Variants in FGD4 observed in about 807,000 individuals in gnomAD.
FGD4 encodes the protein FYVE, RhoGEF and PH domain-containing protein 4.
In FGD4, 42 loss-of-function variants were observed where a neutral mutation model predicts 102.0. The observed-to-expected ratio is 0.41, with a 90% CI of 0.32 to 0.53. The LOEUF (loss-of-function observed/expected upper bound fraction) is 0.53. FGD4 is among the 20% of genes least tolerant of loss of function. The pLI is 0.21. For synonymous variants in FGD4, 380 were observed against 375.7 expected (o/e 1.01, Z -0.13); for missense variants, 902 against 1,078.2 (o/e 0.84, Z 2.29).
Position 32,550,071 on chromosome 12 carries a change from T to G in FGD4, c.167-14066T>G, listed in dbSNP as rs556424691. ...GGGGTTAAGGCAGGCATTCCAGATA[T>G]TTATAGAATTGTTCATGGTTCTTTT... On this transcript the variant is annotated intron_variant, in intron 1 of 16. Transcript: ENST00000534526. 1.3e-3 allele frequency among the ~76,000 whole-genome samples: 205 copies of G among 152,310 alleles called. No homozygotes were observed. The Middle Eastern group carries it at 0.017, about 13-fold the overall frequency.
rs1946653875 is a variant in FGD4 at position 32,581,974 on chromosome 12, A to G, written c.518A>G (p.Tyr173Cys). The change falls in exon 4 of 17, where the codon TAT becomes TGT. Residue 173 changes from tyrosine (Y) to cysteine (C), a missense_variant. Tyr to Cys is a radical substitution (Grantham distance 194). This residue lies in a region of FGD4 where 443 missense variants were observed against 459.2 expected (regional missense o/e 0.96). Transcript: ENST00000534526. ...TTATCTTTTAGCTCATTATCAAATTATAGTGATTTGAAGAAAGAGTCTGCT... is the reference window on the plus strand; with the variant it reads ...TTATCTTTTAGCTCATTATCAAATTGTAGTGATTTGAAGAAAGAGTCTGCT... Reference protein sequence around the residue: ...RFEGGSSLSNYSDLKKESAVN... With the variant: ...RFEGGSSLSNCSDLKKESAVN... 2 of 1,614,142 alleles carry G rather than the reference A, an allele frequency of 1.2e-6. No individual in the cohort carries two copies. The highest frequency in any genetic ancestry group is 1.3e-5 in the African/African-American group (1 of 75,038).
intron 1 of FGD4, among the ~76,000 whole-genome samples, chr12:32,469,837 T>G (rs906518429): frequency 5.3e-5 from 8 of 151,828 alleles, no homozygotes; most frequent in African/African-American, 1.9e-4. Flanking sequence ...TTTTGTATTT[T>G]TAGTAGATAT....
At chr12:32,437,990 C>G (rs1445256247) in intron 1 of FGD4, among the ~76,000 whole-genome samples, 1 of 152,142 alleles carries the variant, frequency 6.6e-6, no homozygotes, top group Non-Finnish European at 1.5e-5. Context: ...CTCTCGGGTT[C>G]AAGCGATTCT....
chr12:32,442,842 G>A (rs1197416681), intron 1 of FGD4, among the ~76,000 whole-genome samples: 1 of 152,178 alleles, frequency 6.6e-6, no homozygotes, highest in Non-Finnish European at 1.5e-5. Context: ...ACAGGCATGA[G>A]CCACTGTGTC....
At chr12:32,634,919 C>T (rs1950707397) in intron 15 of FGD4, among the ~76,000 whole-genome samples, 2 of 151,946 alleles carry the variant, frequency 1.3e-5, no homozygotes, top group Admixed American at 1.3e-4. Context: ...ACCCGGGAGG[C>T]GGAGATTGCA....
At chr12:32,475,222 C>T (rs1943554874) in intron 1 of FGD4, among the ~76,000 whole-genome samples, 1 of 152,046 alleles carries the variant, frequency 6.6e-6, no homozygotes, top group Admixed American at 6.6e-5. Flanking sequence ...GTCTTCCTGT[C>T]CGAGTAGGGT....
intron 10 of FGD4, among the ~76,000 whole-genome samples, chr12:32,614,542 A>G (rs969208934): frequency 4.6e-5 from 7 of 152,240 alleles, no homozygotes; most frequent in Non-Finnish European, 8.8e-5. Flanking sequence ...AGATTTTAGC[A>G]GAAAAACACC....
chr12:32,442,381 A>G (rs117965363), intron 1 of FGD4, among the ~76,000 whole-genome samples: 3 of 151,988 alleles, frequency 2.0e-5, no homozygotes, highest in Non-Finnish European at 4.4e-5. Context: ...TCTTCAGTGC[A>G]TGTTTCACTG....
At chr12:32,538,439 A>C (rs1942498361) in intron 1 of FGD4, among the ~76,000 whole-genome samples, 1 of 152,172 alleles carries the variant, frequency 6.6e-6, no homozygotes, top group Non-Finnish European at 1.5e-5. Context: ...TCTTCCCTTC[A>C]GTTCTCTTTT....
intron 1 of FGD4, among the ~76,000 whole-genome samples, chr12:32,504,264 A>G (rs1295444619): frequency 1.3e-5 from 2 of 152,174 alleles, no homozygotes. Flanking sequence ...AACCCTTCAC[A>G]GAAATAGGTG....
chr12:32,553,064 G>GATTA (rs1943830892), intron 1 of FGD4, among the ~76,000 whole-genome samples: 1 of 151,716 alleles, frequency 6.6e-6, no homozygotes, highest in Non-Finnish European at 1.5e-5. Flanking sequence ...AAAGTGCTGG[G>GATTA]ATTACAAGCA....
chr12:32,447,531 TATA>T (rs766363697), intron 1 of FGD4, among the ~76,000 whole-genome samples: 8 of 152,336 alleles, frequency 5.3e-5, no homozygotes, highest in South Asian at 4.1e-4. Flanking sequence ...GTGACACAGT[TATA>T]ATATTTACAG....
At chr12:32,440,735 G>A (rs973963930) in intron 1 of FGD4, among the ~76,000 whole-genome samples, 1 of 152,206 alleles carries the variant, frequency 6.6e-6, no homozygotes, top group African/African-American at 2.4e-5. Flanking sequence ...AAACCAGCCA[G>A]GCCTGTGCCA....
chr12:32,636,016 A>C (rs1000327490), intron 15 of FGD4, among the ~76,000 whole-genome samples: 1 of 126,466 alleles, frequency 7.9e-6, no homozygotes, highest in African/African-American at 4.4e-5. Flanking sequence ...TGTCTCTAAT[A>C]ATAATAATAA....
intron 1 of FGD4, chr12:32,534,624 A>T (rs531950657): frequency 1.8e-6 from 1 of 547,046 alleles, no homozygotes; most frequent in African/African-American, 1.9e-5. Flanking sequence ...AATAAAGCTC[A>T]CATTGGTTTT....
intron 2 of FGD4, among the ~76,000 whole-genome samples, chr12:32,572,719 T>C (rs1592264231): frequency 6.6e-6 from 1 of 152,362 alleles, no homozygotes; most frequent in East Asian, 1.9e-4. Context: ...TAGCCCTTGA[T>C]TTTTATTTTC....
chr12:32,600,455 A>G (rs1288084830), intron 5 of FGD4: 10 of 1,286,268 alleles, frequency 7.8e-6, no homozygotes, highest in Non-Finnish European at 1.0e-5. Flanking sequence ...CCATCTGGAC[A>G]TTATGAAGGA....
At chr12:32,453,237 ATTT>A (rs60006767) in intron 1 of FGD4, among the ~76,000 whole-genome samples, 1,855 of 90,414 alleles carry the variant, frequency 0.021, 30 homozygotes, top group East Asian at 0.033. Flanking sequence ...ATATATATAT[ATTT>A]TTTTTTTTTT....
chr12:32,581,266 GC>G (rs1946595136), intron 3 of FGD4, among the ~76,000 whole-genome samples: 1 of 152,146 alleles, frequency 6.6e-6, no homozygotes, highest in Non-Finnish European at 1.5e-5. Flanking sequence ...ATCTAATGAG[GC>G]CATGCACTTT....
Sources: gnomAD v4.1 joint callset for allele counts (sites outside exome capture counted in the v4.1 genomes callset) on GRCh38, gnomAD v4.1.1 for gene constraint, gnomAD v4.1.1 regional missense constraint, MANE v1.5 for transcripts, NCBI Gene and HGNC (gene_info 2026-07-23, HGNC 2026-07-21) for gene names.